CSF1R: variants seen among roughly 807,000 people sequenced by gnomAD.
The protein encoded by CSF1R is colony stimulating factor 1 receptor.
In CSF1R, 40 loss-of-function variants were observed where a neutral mutation model predicts 110.0. That is an observed-to-expected ratio of 0.36 (90% CI 0.28 to 0.47). The LOEUF (loss-of-function observed/expected upper bound fraction) is 0.47. Among genes scored for constraint, CSF1R ranks in the 20% least tolerant of loss-of-function variants. The pLI is 0.99. For synonymous variants in CSF1R, 523 were observed against 503.4 expected, an observed-to-expected ratio of 1.04 and a Z score of -0.52; for missense variants, 1,052 against 1,253.0, an observed-to-expected ratio of 0.84 and a Z score of 2.42.
At chr5:150,080,445 G>T (rs1194154756) in intron 2 of CSF1R, 109 bp from the exon 3 acceptor site, 10 of 1,384,758 alleles carry the variant, frequency 7.2e-6, no homozygotes, top group Non-Finnish European at 9.8e-6. Flanking sequence ...TTCATCTGAG[G>T]TCACACCACG....
intron 1 of CSF1R, among the ~76,000 whole-genome samples, chr5:150,104,700 G>A (rs930154699): frequency 6.6e-6 from 1 of 152,170 alleles, no homozygotes; most frequent in African/African-American, 2.4e-5. Flanking sequence ...GCTGGTGAGG[G>A]CATTTCTGCC....
chr5:150,105,357 A>T (rs377241201), intron 1 of CSF1R, among the ~76,000 whole-genome samples: 39 of 101,078 alleles, frequency 3.9e-4, no homozygotes, highest in Middle Eastern at 8.5e-3. Context: ...CAAAAAAAAA[A>T]AAAAAAATAT....
intron 1 of CSF1R, among the ~76,000 whole-genome samples, chr5:150,082,936 T>A (rs1358595106): frequency 2.0e-5 from 3 of 152,190 alleles, no homozygotes; most frequent in Non-Finnish European, 2.9e-5. Flanking sequence ...TACACCTGCC[T>A]CACACCTTAC....
intron 12 of CSF1R, 40 bp downstream of exon 12, chr5:150,061,451 C>T: frequency 1.8e-6 from 1 of 563,440 alleles, no homozygotes; most frequent in Non-Finnish European, 3.0e-6. Context: ...CCAGCATCTA[C>T]CACCCCCCAT....
intron 1 of CSF1R, among the ~76,000 whole-genome samples, chr5:150,106,488 C>T (rs1189661307): frequency 6.6e-6 from 1 of 152,046 alleles, no homozygotes; most frequent in Admixed American, 6.5e-5. Flanking sequence ...TGGAGTGGGC[C>T]CAAGCTAGGA....
chr5:150,102,080 C>T (rs1456098904), intron 1 of CSF1R, among the ~76,000 whole-genome samples: 1 of 152,118 alleles, frequency 6.6e-6, no homozygotes, highest in East Asian at 1.9e-4. Flanking sequence ...CCATTGCAAA[C>T]AATGCTCAGT....
At chr5:150,069,010 C>T (rs115352583) in intron 9 of CSF1R, among the ~76,000 whole-genome samples, 13 of 152,116 alleles carry the variant, frequency 8.5e-5, no homozygotes, top group East Asian at 3.8e-4. Flanking sequence ...AGGAGTTAAT[C>T]GAGATAATCC....
intron 1 of CSF1R, among the ~76,000 whole-genome samples, chr5:150,104,076 C>T (rs1048805321): frequency 5.3e-5 from 8 of 152,312 alleles, no homozygotes; most frequent in African/African-American, 1.9e-4. Context: ...GATTCTCATG[C>T]TCCCTCTGGC....
intron 10 of CSF1R, among the ~76,000 whole-genome samples, chr5:150,062,514 G>A (rs1485711113): frequency 1.3e-5 from 2 of 148,958 alleles, no homozygotes; most frequent in Non-Finnish European, 3.0e-5. Flanking sequence ...GACTCACACA[G>A]CATGTGTCTA....
intron 1 of CSF1R, among the ~76,000 whole-genome samples, chr5:150,103,940 C>T (rs964539870): frequency 2.6e-5 from 4 of 152,138 alleles, no homozygotes; most frequent in African/African-American, 4.8e-5. Context: ...CCTCCAAGTG[C>T]AGTTCAGGGA....
rs1757272340 is a variant in CSF1R, at chr5:150,057,381, A to G, written c.2225T>C (p.Leu742Pro). Residue 742 changes from leucine (L) to proline (P), a missense_variant, in exon 16 of 21, where the codon CTG becomes CCG. Around this residue, in one of 5 missense-constraint regions of CSF1R, gnomAD observed 124 missense variants for 117.7 expected, o/e 1.05. Coordinates refer to ENST00000675795, the MANE Select transcript of CSF1R (RefSeq NM_001288705.3). Reference protein sequence around the residue: ...SSNDSFSEQDLDKEDGRPLEL... With the variant: ...SSNDSFSEQDPDKEDGRPLEL... Reference sequence around the variant, plus strand: ...CAGGGGCCGTCCATCCTCCTTGTCCAGGTCTAGGGTGGGAAGAGGCGTCAG... The same window carrying G: ...CAGGGGCCGTCCATCCTCCTTGTCCGGGTCTAGGGTGGGAAGAGGCGTCAG... 8 of 1,613,752 alleles carry G rather than the reference A, an allele frequency of 5.0e-6. No homozygotes were observed. Among genetic ancestry groups the G allele is most frequent in the Non-Finnish European group, 5.9e-6 (7 of 1,179,834 alleles).
At chr5:150,099,507 T>C (rs1457712786) in intron 1 of CSF1R, among the ~76,000 whole-genome samples, 2 of 152,126 alleles carry the variant, frequency 1.3e-5, no homozygotes, top group African/African-American at 4.8e-5. Flanking sequence ...AATGGATAAA[T>C]AAACTGTGGT....
intron 14 of CSF1R, among the ~76,000 whole-genome samples, 155 bp from the exon 15 acceptor site, chr5:150,057,747 C>T (rs945229232): frequency 1.3e-5 from 2 of 152,248 alleles, no homozygotes; most frequent in African/African-American, 4.8e-5. Context: ...GCATTGGTCT[C>T]TGCTCGGCTG....
chr5:150,079,741 C>CA (rs1271518013), intron 3 of CSF1R, among the ~76,000 whole-genome samples: 5 of 151,498 alleles, frequency 3.3e-5, no homozygotes, highest in Admixed American at 3.3e-4. Flanking sequence ...GTTTCCTTCT[C>CA]AGTGAGGCTC....
upstream of CSF1R, among the ~76,000 whole-genome samples, chr5:150,087,922 C>T (rs1018325533): frequency 1.3e-5 from 2 of 152,032 alleles, no homozygotes; most frequent in African/African-American, 4.8e-5. Flanking sequence ...TTTTGGTAGA[C>T]ATGGGGTTTC....
chr5:150,084,952 G>T (rs894924169), intron 1 of CSF1R, among the ~76,000 whole-genome samples: 1 of 152,058 alleles, frequency 6.6e-6, no homozygotes, highest in Non-Finnish European at 1.5e-5. Context: ...TTAAGAACCT[G>T]TGCTTTCTAC....
In CSF1R at chr5:150,070,174, C is replaced by A; in HGVS notation, c.1319+8G>T. The A allele has an allele frequency of 3.2e-5, 51 of 1,613,280 alleles. No individual in the cohort carries two copies. Among genetic ancestry groups the A allele is most frequent in the Non-Finnish European group, 4.3e-5 (51 of 1,179,554 alleles). ...CCCAGGTGAGGGAGGTGAGTGGAGC[C>A]CACTTACCTATCAGTGTGGCCACTG... is the stretch of plus-strand genomic sequence containing the variant. On this transcript the variant is annotated splice_region_variant and intron_variant, in intron 8 of 20. Coordinates refer to ENST00000675795, the MANE Select transcript of CSF1R (RefSeq NM_001288705.3).
chr5:150,108,482 G>A (rs572316006), intron 1 of CSF1R, among the ~76,000 whole-genome samples: 57 of 152,180 alleles, frequency 3.7e-4, no homozygotes, highest in Non-Finnish European at 7.8e-4. Flanking sequence ...TTCCATGAAG[G>A]AGTCTCGACT....
intron 19 of CSF1R, among the ~76,000 whole-genome samples, chr5:150,054,993 C>CTCAAA (rs1757136177): frequency 1.3e-5 from 1 of 74,788 alleles, no homozygotes; most frequent in African/African-American, 4.3e-5. Flanking sequence ...GATGCTGTCT[C>CTCAAA]AAAAAAAAAA....
Sources: allele counts gnomAD v4.1 joint callset (sites outside exome capture counted in the v4.1 genomes callset), GRCh38; gene constraint gnomAD v4.1.1; regional missense constraint gnomAD v4.1.1; transcripts MANE v1.5; gene names NCBI Gene and HGNC (gene_info 2026-07-23, HGNC 2026-07-21).